The following TPO variants were observed in gnomAD, a reference collection of about 807,000 sequenced individuals.
TPO encodes the protein thyroid microsomal antigen.
Under a neutral mutation model 96.9 loss-of-function variants are expected in TPO, and 78 were observed. That is an observed-to-expected ratio of 0.81 (90% CI 0.67 to 0.97). The LOEUF (loss-of-function observed/expected upper bound fraction) is 0.97. Among genes scored for constraint, TPO ranks in the 50% least tolerant of loss-of-function variants. The pLI is 0.00. For synonymous variants in TPO, 547 were observed against 538.0 expected, an observed-to-expected ratio of 1.02 and a Z score of -0.23; for missense variants, 1,252 against 1,274.8, an observed-to-expected ratio of 0.98 and a Z score of 0.27.
At chr2:1,459,715 T>C (rs923032427) in intron 7 of TPO, among the ~76,000 whole-genome samples, 2 of 151,950 alleles carry the variant, frequency 1.3e-5, no homozygotes, top group African/African-American at 4.8e-5. Flanking sequence ...AGGAATAATA[T>C]TGGGGGAAAG....
chr2:1,520,660 T>G (rs1386814787), intron 15 of TPO, among the ~76,000 whole-genome samples: 4 of 152,272 alleles, frequency 2.6e-5, no homozygotes, highest in Non-Finnish European at 4.4e-5. Context: ...TCAACTTTCT[T>G]GACACTGCAT....
At chr2:1,387,970 G>A (rs894307225) in intron 1 of TPO, among the ~76,000 whole-genome samples, 1 of 152,154 alleles carries the variant, frequency 6.6e-6, no homozygotes, top group Non-Finnish European at 1.5e-5. Flanking sequence ...TTTGCTGGAG[G>A]TCCCCTCCAG....
chr2:1,523,899 C>T (rs1383738473), intron 15 of TPO, among the ~76,000 whole-genome samples: 2 of 107,462 alleles, frequency 1.9e-5, no homozygotes, highest in Admixed American at 1.2e-4. Flanking sequence ...GCTTAAATCC[C>T]CCCAACTGTA....
chr2:1,426,883 A>G (rs868239429), intron 3 of TPO, among the ~76,000 whole-genome samples: 8 of 152,224 alleles, frequency 5.3e-5, no homozygotes, highest in Admixed American at 6.5e-5. Context: ...TAATATCCAA[A>G]ACTAGAGTGT....
intron 1 of TPO, 141 bp from the exon 2 acceptor site, chr2:1,414,267 G>A (rs1662651354): frequency 1.3e-6 from 1 of 799,300 alleles, no homozygotes; most frequent in Non-Finnish European, 2.1e-6. Context: ...GCAGACCCCA[G>A]GCCTGTGAGG....
intron 6 of TPO, among the ~76,000 whole-genome samples, chr2:1,454,523 C>T (rs1397970066): frequency 6.6e-6 from 1 of 152,124 alleles, no homozygotes; most frequent in African/African-American, 2.4e-5. Context: ...AGTAAGAGGA[C>T]CTGGTATTCC....
chr2:1,486,437 G>A (rs1671171898), intron 9 of TPO, among the ~76,000 whole-genome samples: 1 of 152,072 alleles, frequency 6.6e-6, no homozygotes, highest in Non-Finnish European at 1.5e-5. Flanking sequence ...TCAGGAGGCT[G>A]TGGCAGGAGA....
chr2:1,452,059 T>C (rs17731349), intron 5 of TPO, among the ~76,000 whole-genome samples: 57,048 of 152,086 alleles, frequency 0.38, 10,874 homozygotes, highest in South Asian at 0.46. Context: ...CATTTATATA[T>C]TTGAATATGT....
rs1672327993 is a variant in TPO at position 1,496,277 on chromosome 2, T to A, written c.2215+80T>A. The A allele has an allele frequency of 4.6e-6, 7 of 1,524,848 alleles. No homozygotes were observed. In the Admixed American group the frequency reaches 1.3e-4, roughly 28 times the overall value. The allele number at this position is 1,524,848 out of a possible 1,614,324, so 94.5% of individuals were successfully genotyped here. A position where few individuals can be genotyped will look rare whatever the true frequency, so the allele number is the denominator to read the frequency against. On this transcript the variant is annotated intron_variant, in intron 12 of 16. Transcript: ENST00000329066. ...AAGCTTATCTTCCCCAGGAGCTGATTTTAACTTTTCACTGTTTAGAAAATA... is the reference window on the plus strand; with the variant it reads ...AAGCTTATCTTCCCCAGGAGCTGATATTAACTTTTCACTGTTTAGAAAATA...
intron 1 of TPO, among the ~76,000 whole-genome samples, chr2:1,395,715 T>C (rs1313310499): frequency 6.6e-6 from 1 of 152,084 alleles, no homozygotes; most frequent in Admixed American, 6.5e-5. Context: ...GGTGGGTTTT[T>C]CTCATGCCGT....
At chr2:1,532,693 C>A (rs1294336695) in intron 15 of TPO, among the ~76,000 whole-genome samples, 1 of 25,230 alleles carries the variant, frequency 4.0e-5, no homozygotes, top group African/African-American at 2.3e-4. Context: ...CCACTCTGTG[C>A]AACCTCCCCA....
chr2:1,402,877 G>A (rs955369645), intron 1 of TPO, among the ~76,000 whole-genome samples: 1 of 152,156 alleles, frequency 6.6e-6, no homozygotes, highest in Non-Finnish European at 1.5e-5. Flanking sequence ...CTTGAATTTG[G>A]AAACTGAGCG....
intron 8 of TPO, among the ~76,000 whole-genome samples, chr2:1,483,374 A>T (rs954472823): frequency 6.6e-6 from 1 of 152,216 alleles, no homozygotes; most frequent in Admixed American, 6.5e-5. Flanking sequence ...CTTGAATTTG[A>T]AATTGTCTCA....
At chr2:1,413,849 A>G (rs1662602381) in intron 1 of TPO, 1 of 537,986 alleles carries the variant, frequency 1.9e-6, no homozygotes, top group African/African-American at 2.1e-5. Flanking sequence ...AAAGCCTAAG[A>G]GAAGAAAACA....
At position 1,477,365 on chromosome 2, in the gene TPO, G is replaced by A. The variant is rs1310058170; in HGVS notation, c.1099G>A (p.Val367Met). 2.0e-6 allele frequency: 3 copies of A among 1,538,432 alleles called. No individual in the cohort carries two copies. The highest frequency in any genetic ancestry group is 2.0e-5 in the Admixed American group (1 of 50,920). ...CTCCGGCCGCGCCTACCTGCCCTTC[G>A]TGCCGCCACGCGCGCCTGCGGCCTG... ...RDSGRAYLPF[V>M]PPRAPAACAP... The change falls in exon 8 of 17, where the codon GTG becomes ATG. Residue 367 changes from valine (V) to methionine (M), a missense_variant. Val to Met is a conservative substitution (Grantham distance 21). Transcript: ENST00000329066.
chr2:1,494,875 G>A (rs569653365), intron 11 of TPO, among the ~76,000 whole-genome samples: 1 of 152,284 alleles, frequency 6.6e-6, no homozygotes, highest in South Asian at 2.1e-4. Flanking sequence ...CCTTTCCCCA[G>A]TGTGACTTTT....
intron 5 of TPO, among the ~76,000 whole-genome samples, chr2:1,451,397 T>C (rs1457590411): frequency 2.0e-5 from 3 of 152,206 alleles, no homozygotes; most frequent in Non-Finnish European, 4.4e-5. Flanking sequence ...CCACTAATTT[T>C]TAAATATTTA....
intron 1 of TPO, among the ~76,000 whole-genome samples, chr2:1,387,795 A>G (rs1015163449): frequency 1.3e-5 from 2 of 152,134 alleles, no homozygotes; most frequent in Admixed American, 6.5e-5. Flanking sequence ...CTCGATTTTT[A>G]GAATTTTCAG....
At chr2:1,535,053 CTCCCCAAATCTCCCCCACTCTGTGCACCT>C (rs1270862439) in intron 15 of TPO, among the ~76,000 whole-genome samples, 32 of 111,304 alleles carry the variant, frequency 2.9e-4, no homozygotes, top group African/African-American at 9.7e-4. Context: ...TGTGTGCAAC[CTCCCCAAATCTCCCCCACTCTGTGCACCT>C]TCCCCAAATC....
Sources: allele counts gnomAD v4.1 joint callset (sites outside exome capture counted in the v4.1 genomes callset), GRCh38; gene constraint gnomAD v4.1.1; transcripts MANE v1.5; gene names NCBI Gene and HGNC (gene_info 2026-07-23, HGNC 2026-07-21).